The following JARID2 variants were observed in gnomAD, a reference collection of about 807,000 sequenced individuals.
JARID2 encodes the protein protein Jumonji.
In JARID2, 21 loss-of-function variants were observed where a neutral mutation model predicts 125.6. The observed-to-expected ratio is 0.17, with a 90% confidence interval of 0.12 to 0.24. The LOEUF (loss-of-function observed/expected upper bound fraction) is 0.24. Ranked by LOEUF, JARID2 falls within the 10% of genes least tolerant of loss-of-function variation. The pLI, the probability that JARID2 is intolerant of heterozygous loss-of-function variation, is 1.00. For synonymous variants in JARID2, 736 were observed against 661.6 expected (o/e 1.11, Z -1.73); for missense variants, 1,303 against 1,639.6 (o/e 0.79, Z 3.55).
At chr6:15,326,093 A>T (rs1325905953) in intron 1 of JARID2, among the ~76,000 whole-genome samples, 1 of 152,230 alleles carries the variant, frequency 6.6e-6, no homozygotes, top group African/African-American at 2.4e-5. Flanking sequence ...GGTAAACAGT[A>T]GCTTTTTTGA....
chr6:15,474,909 G>A (rs1021813106), intron 5 of JARID2, among the ~76,000 whole-genome samples: 1 of 152,192 alleles, frequency 6.6e-6, no homozygotes, highest in Non-Finnish European at 1.5e-5. Flanking sequence ...GAAAACTGGT[G>A]TACTGTTGCA....
At chr6:15,345,909 G>T (rs1020441367) in intron 1 of JARID2, among the ~76,000 whole-genome samples, 1 of 152,194 alleles carries the variant, frequency 6.6e-6, no homozygotes, top group Non-Finnish European at 1.5e-5. Context: ...CTGCTCTGCT[G>T]CTTATCCAGG....
chr6:15,246,242 G>A lies in JARID2; in HGVS notation c.-298G>A. The A allele has an allele frequency of 2.2e-6, 1 of 456,744 alleles. No individual in the cohort carries two copies. The highest frequency in any genetic ancestry group is 3.8e-6 in the Non-Finnish European group (1 of 260,914). 28.3% of individuals were successfully genotyped at this position (456,744 alleles called of 1,614,324 possible). A position where few individuals can be genotyped will look rare whatever the true frequency, so the allele number is the denominator to read the frequency against. ...AAAGGGGGGGGAGTGAAGGGCGTCG[G>A]TTTTTTTTTGTGTGTGTGTGTATGT... On this transcript the variant is annotated 5_prime_UTR_variant, in exon 1 of 18. Transcript: ENST00000341776.
chr6:15,440,275 G>A (rs954093477), intron 3 of JARID2, among the ~76,000 whole-genome samples: 4 of 152,176 alleles, frequency 2.6e-5, no homozygotes, highest in African/African-American at 4.8e-5. Flanking sequence ...TTGCAACAGC[G>A]GACTGGTCCT....
At chr6:15,427,186 C>T (rs986820422) in intron 3 of JARID2, among the ~76,000 whole-genome samples, 2 of 152,106 alleles carry the variant, frequency 1.3e-5, no homozygotes, top group Admixed American at 1.3e-4. Flanking sequence ...AAACCTGCAC[C>T]ACACTCTGTC....
At chr6:15,511,430 A>C in intron 13 of JARID2, 29 bp downstream of exon 13, 1 of 1,427,512 alleles carries the variant, frequency 7.0e-7, no homozygotes, top group Non-Finnish European at 9.9e-7. Flanking sequence ...CGCCTCCAGC[A>C]GGAGCTGTAG....
chr6:15,494,726 A>C (rs1200048917), intron 6 of JARID2, among the ~76,000 whole-genome samples: 3 of 152,064 alleles, frequency 2.0e-5, no homozygotes, highest in Non-Finnish European at 4.4e-5. Flanking sequence ...ACCCCCACTT[A>C]AGGGGGGTCC....
intron 2 of JARID2, among the ~76,000 whole-genome samples, chr6:15,395,762 G>A (rs1001597895): frequency 1.3e-5 from 2 of 151,160 alleles, no homozygotes; most frequent in Non-Finnish European, 2.9e-5. Context: ...TCTCTTGGGT[G>A]CAAGTGCTTC....
intron 1 of JARID2, among the ~76,000 whole-genome samples, chr6:15,330,556 T>G (rs1322666647): frequency 1.3e-5 from 2 of 152,250 alleles, no homozygotes; most frequent in African/African-American, 4.8e-5. Flanking sequence ...TTGGCAATCT[T>G]AGATTAGTGC....
intron 5 of JARID2, among the ~76,000 whole-genome samples, chr6:15,480,701 A>G (rs1668361734): frequency 6.6e-6 from 1 of 152,238 alleles, no homozygotes; most frequent in South Asian, 2.1e-4. Flanking sequence ...AAGCACTTAT[A>G]TACTTTATTC....
At chr6:15,275,939 A>G (rs1760485912) in intron 1 of JARID2, among the ~76,000 whole-genome samples, 1 of 152,192 alleles carries the variant, frequency 6.6e-6, no homozygotes, top group Non-Finnish European at 1.5e-5. Flanking sequence ...GGGGGAAAAA[A>G]GTTAACAATT....
intron 1 of JARID2, among the ~76,000 whole-genome samples, chr6:15,254,387 G>T (rs1759572865): frequency 6.6e-6 from 1 of 152,168 alleles, no homozygotes; most frequent in Admixed American, 6.5e-5. Flanking sequence ...AGGCTTAGGG[G>T]ACCATGGAGC....
At chr6:15,517,935 G>C (rs536733228) in intron 17 of JARID2, among the ~76,000 whole-genome samples, 2 of 152,258 alleles carry the variant, frequency 1.3e-5, no homozygotes, top group Non-Finnish European at 2.9e-5. Context: ...TGAGGCCACT[G>C]AGTGGGGTGG....
intron 1 of JARID2, among the ~76,000 whole-genome samples, chr6:15,251,163 T>A (rs1264353492): frequency 6.6e-6 from 1 of 152,066 alleles, no homozygotes; most frequent in Non-Finnish European, 1.5e-5. Flanking sequence ...AGGCACCCCC[T>A]ATCATGTCCG....
At chr6:15,448,724 A>T (rs1207378385) in intron 3 of JARID2, among the ~76,000 whole-genome samples, 2 of 152,170 alleles carry the variant, frequency 1.3e-5, no homozygotes, top group Non-Finnish European at 2.9e-5. Flanking sequence ...GTGTTGGGTC[A>T]GTCTACCTGG....
intron 1 of JARID2, among the ~76,000 whole-genome samples, chr6:15,345,211 C>A (rs985584922): frequency 6.6e-6 from 1 of 152,108 alleles, no homozygotes. Context: ...CTTTCAAGGT[C>A]TTTTCAAGAG....
chr6:15,472,290 T>A (rs1474862044), intron 5 of JARID2, among the ~76,000 whole-genome samples: 3 of 152,104 alleles, frequency 2.0e-5, no homozygotes, highest in East Asian at 1.9e-4. Flanking sequence ...ATCCTTTCTT[T>A]TACAATAGAG....
At chr6:15,481,298 TA>T (rs1446310265) in intron 5 of JARID2, among the ~76,000 whole-genome samples, 1 of 152,240 alleles carries the variant, frequency 6.6e-6, no homozygotes, top group East Asian at 1.9e-4. Flanking sequence ...TACAATTTCC[TA>T]ATATGGTTCA....
rs1431060000 is a variant in JARID2, at chr6:15,415,538, CCTCCCGGG to C, written c.323+5175_323+5182del. On this transcript the variant is annotated intron_variant, in intron 3 of 17. Coordinates refer to ENST00000341776, the MANE Select transcript of JARID2 (RefSeq NM_004973.4). ...GGCTGCCGGGCAGAGGCGCCCCTCACCTCCCGGGCAGAGGCGCCCCTCACCTCCCGGAC... is the reference window on the plus strand; with the variant it reads ...GGCTGCCGGGCAGAGGCGCCCCTCACCAGAGGCGCCCCTCACCTCCCGGAC... 4.0e-3 allele frequency among the ~76,000 whole-genome samples: 510 copies of C among 126,796 alleles called. 5 individuals carry two copies. The highest frequency in any genetic ancestry group is 0.015 in the African/African-American group (479 of 31,090). 83.2% of individuals were successfully genotyped at this position (126,796 alleles called of 152,430 possible). A position where few individuals can be genotyped will look rare whatever the true frequency, so the allele number is the denominator to read the frequency against.
Sources: gnomAD v4.1 joint callset for allele counts (sites outside exome capture counted in the v4.1 genomes callset) on GRCh38, gnomAD v4.1.1 for gene constraint, MANE v1.5 for transcripts, NCBI Gene and HGNC (gene_info 2026-07-23, HGNC 2026-07-21) for gene names.